The following METAP1D variants were observed in gnomAD, a reference collection of about 807,000 sequenced individuals.
METAP1D encodes methionyl aminopeptidase type 1D, mitochondrial, also known as methionine aminopeptidase 1D, mitochondrial.
In METAP1D, 31 loss-of-function variants were observed where a neutral mutation model predicts 40.5. That is an observed-to-expected ratio of 0.77 (90% confidence interval 0.58 to 1.03). The LOEUF (loss-of-function observed/expected upper bound fraction) is 1.03, where lower values mean the gene tolerates loss of function less well. Among genes scored for constraint, METAP1D ranks in the 50% least tolerant of loss-of-function variants. METAP1D has a pLI of 0.00. For missense variants in METAP1D, 411 were observed against 420.7 expected (o/e 0.98, Z 0.20); for synonymous variants, 151 against 146.4 (o/e 1.03, Z -0.22).
At chr2:172,077,672 T>C (rs1690579562) in intron 6 of METAP1D, 125 bp from the exon 7 acceptor site, 1 of 547,312 alleles carries the variant, frequency 1.8e-6, no homozygotes, top group South Asian at 2.8e-5. Context: ...TGAATGTTAT[T>C]ATCTGACTCT....
chr2:172,036,660 C>T (rs1247620165), intron 1 of METAP1D, among the ~76,000 whole-genome samples: 7 of 151,860 alleles, frequency 4.6e-5, no homozygotes, highest in Admixed American at 1.3e-4. Context: ...CCACCGCACC[C>T]GGCCCGTTTC....
At chr2:172,055,028 C>A (rs980941387) in intron 1 of METAP1D, among the ~76,000 whole-genome samples, 1 of 152,204 alleles carries the variant, frequency 6.6e-6, no homozygotes, top group Admixed American at 6.5e-5. Context: ...TAGTATAAAG[C>A]AACTCCTCAC....
chr2:172,072,477 G>C (rs1046776174), intron 6 of METAP1D: 1 of 166,942 alleles, frequency 6.0e-6, no homozygotes, highest in Non-Finnish European at 1.5e-5. Flanking sequence ...TTCCTGTCAC[G>C]GAACAACAAA....
intron 1 of METAP1D, among the ~76,000 whole-genome samples, chr2:172,042,226 C>CGTGTGT (rs1689558967): frequency 7.8e-4 from 4 of 5,126 alleles, no homozygotes; most frequent in Admixed American, 3.4e-3. Context: ...TACATGTGTA[C>CGTGTGT]ACATATACAT....
intron 1 of METAP1D, among the ~76,000 whole-genome samples, chr2:172,014,980 C>T (rs935649985): frequency 1.9e-4 from 29 of 152,084 alleles, no homozygotes; most frequent in Non-Finnish European, 7.3e-5. Flanking sequence ...AGCACATTTC[C>T]GCTGATATAA....
chr2:172,063,259 A>G (rs1484619538), intron 2 of METAP1D, among the ~76,000 whole-genome samples: 3 of 152,194 alleles, frequency 2.0e-5, no homozygotes, highest in South Asian at 4.1e-4. Flanking sequence ...GCCTTTTTAC[A>G]TATGTTCATT....
intron 1 of METAP1D, among the ~76,000 whole-genome samples, chr2:172,014,375 G>A (rs961783561): frequency 6.6e-6 from 1 of 152,138 alleles, no homozygotes; most frequent in Non-Finnish European, 1.5e-5. Flanking sequence ...GCCTCCCAAA[G>A]TGCTGGGATT....
rs1232109750 is a variant in METAP1D, at chr2:171,999,993, C to T, written c.24C>T (p.His8=). The T allele has an allele frequency of 3.7e-6, 5 of 1,344,084 alleles. No individual in the cohort carries two copies. Among genetic ancestry groups the T allele is most frequent in the Non-Finnish European group, 4.8e-6 (5 of 1,039,734 alleles). 83.3% of individuals were successfully genotyped at this position (1,344,084 alleles called of 1,614,324 possible). The change falls in exon 1 of 10, where the codon CAC becomes CAT. Residue 8 remains histidine (H), a synonymous_variant. Transcript: ENST00000315796. ...ACATGGCGGCGCCCAGTGGCGTCCA[C>T]CTGCTCGTCCGCAGAGGTAAGCGCG... The part of the protein sequence containing the change: MAAPSGV[H]LLVRRGSHRI...
At chr2:172,016,139 G>T (rs1304368948) in intron 1 of METAP1D, among the ~76,000 whole-genome samples, 1 of 144,922 alleles carries the variant, frequency 6.9e-6, no homozygotes, top group Non-Finnish European at 1.5e-5. Flanking sequence ...AGCTGGGCGC[G>T]GTCACATGTG....
chr2:172,007,453 A>C (rs1688613858), intron 1 of METAP1D, among the ~76,000 whole-genome samples: 1 of 152,036 alleles, frequency 6.6e-6, no homozygotes, highest in South Asian at 2.1e-4. Flanking sequence ...AATCTGTTTG[A>C]TTCTTTCAGG....
chr2:172,021,587 C>G (rs1339656817), intron 1 of METAP1D, among the ~76,000 whole-genome samples: 1 of 152,126 alleles, frequency 6.6e-6, no homozygotes, highest in African/African-American at 2.4e-5. Context: ...GGTGTTTACA[C>G]AAAGGTACTT....
intron 1 of METAP1D, among the ~76,000 whole-genome samples, chr2:172,060,866 C>T (rs1050002535): frequency 6.6e-6 from 1 of 152,206 alleles, no homozygotes; most frequent in Non-Finnish European, 1.5e-5. Flanking sequence ...ACTGCTGAGT[C>T]AAAGGATATG....
chr2:172,021,131 T>C (rs1688996413), intron 1 of METAP1D, among the ~76,000 whole-genome samples: 1 of 152,230 alleles, frequency 6.6e-6, no homozygotes, highest in Non-Finnish European at 1.5e-5. Flanking sequence ...TCTTCTATTA[T>C]CTCCTCACTT....
At chr2:172,023,228 C>G (rs1429431611) in intron 1 of METAP1D, among the ~76,000 whole-genome samples, 1 of 152,148 alleles carries the variant, frequency 6.6e-6, no homozygotes, top group Non-Finnish European at 1.5e-5. Context: ...AGTCTAAAGT[C>G]ACAAATTTGA....
At chr2:172,026,014 T>A (rs921990055) in intron 1 of METAP1D, among the ~76,000 whole-genome samples, 1 of 152,268 alleles carries the variant, frequency 6.6e-6, no homozygotes, top group Non-Finnish European at 1.5e-5. Flanking sequence ...GAGAGTAATT[T>A]CTTAGTATCA....
chr2:172,058,463 A>G (rs1690049813), intron 1 of METAP1D, among the ~76,000 whole-genome samples: 2 of 152,206 alleles, frequency 1.3e-5, no homozygotes, highest in South Asian at 4.1e-4. Context: ...ATCAGTTGAC[A>G]ATACTAGGGT....
chr2:172,016,093 TCAAAAAAAAAAAAA>T (rs1233750303), intron 1 of METAP1D, among the ~76,000 whole-genome samples: 1 of 111,560 alleles, frequency 9.0e-6, no homozygotes, highest in African/African-American at 3.1e-5. Flanking sequence ...TCCGTCTCTA[TCAAAAAAAAAAAAA>T]CAAAAAAAGA....
chr2:172,006,365 A>T (rs567814498), intron 1 of METAP1D, among the ~76,000 whole-genome samples: 10 of 151,994 alleles, frequency 6.6e-5, no homozygotes, highest in African/African-American at 2.4e-4. Context: ...TTGTATTTTT[A>T]GTAGAGATGG....
intron 1 of METAP1D, among the ~76,000 whole-genome samples, chr2:172,033,754 G>T (rs1403681021): frequency 6.6e-6 from 1 of 151,482 alleles, no homozygotes; most frequent in African/African-American, 2.4e-5. Flanking sequence ...AATTTCTAAA[G>T]GTATAATATT....
Sources: gnomAD v4.1 joint callset for allele counts (sites outside exome capture counted in the v4.1 genomes callset) on GRCh38, gnomAD v4.1.1 for gene constraint, MANE v1.5 for transcripts, NCBI Gene and HGNC (gene_info 2026-07-23, HGNC 2026-07-21) for gene names.